DLGAP2: variants seen among roughly 807,000 people sequenced by gnomAD.
DLGAP2 encodes the protein disks large-associated protein 2.
Under a neutral mutation model 100.3 loss-of-function variants are expected in DLGAP2, and 26 were observed. The observed-to-expected ratio is 0.26, with a 90% CI of 0.19 to 0.36. The LOEUF (loss-of-function observed/expected upper bound fraction) is 0.36. DLGAP2 is among the 10% of genes least tolerant of loss of function. The pLI is 1.00. For missense variants in DLGAP2, 1,858 were observed against 1,453.2 expected (o/e 1.28, Z -4.53); for synonymous variants, 886 against 630.1 (o/e 1.41, Z -6.08).
chr8:826,676 G>A (rs575412607), intron 1 of DLGAP2, among the ~76,000 whole-genome samples: 17 of 152,096 alleles, frequency 1.1e-4, no homozygotes, highest in African/African-American at 3.9e-4. Context: ...GCCCCCTCTC[G>A]CAGCCTTCTC....
intron 1 of DLGAP2, among the ~76,000 whole-genome samples, chr8:836,060 G>A (rs1796868648): frequency 6.6e-6 from 1 of 152,226 alleles, no homozygotes; most frequent in Non-Finnish European, 1.5e-5. Context: ...ATGCCGAGAT[G>A]TAAAGGACAC....
intron 3 of DLGAP2, among the ~76,000 whole-genome samples, chr8:1,314,422 T>A (rs989234452): frequency 6.6e-6 from 1 of 152,228 alleles, no homozygotes; most frequent in Non-Finnish European, 1.5e-5. Context: ...AATATTTTTT[T>A]AAAACTCCAT....
chr8:1,552,763 C>A (rs1801812798), intron 5 of DLGAP2, among the ~76,000 whole-genome samples: 1 of 152,160 alleles, frequency 6.6e-6, no homozygotes, highest in Non-Finnish European at 1.5e-5. Context: ...AGCTGAACGA[C>A]AGGATCACTT....
chr8:1,251,170 A>T (rs1356201038), intron 2 of DLGAP2, among the ~76,000 whole-genome samples: 1 of 152,214 alleles, frequency 6.6e-6, no homozygotes, highest in Non-Finnish European at 1.5e-5. Context: ...TTTCTCCCTG[A>T]GAACTAACTT....
At chr8:1,261,580 T>TG (rs1332278520) in intron 3 of DLGAP2, among the ~76,000 whole-genome samples, 1 of 17,760 alleles carries the variant, frequency 5.6e-5, no homozygotes, top group Non-Finnish European at 1.1e-4. Flanking sequence ...GGCTGGGCAG[T>TG]GGGGGGTGGG....
chr8:1,678,726 G>T (rs1233098612), intron 12 of DLGAP2, 97 bp downstream of exon 12: 1 of 1,295,670 alleles, frequency 7.7e-7, no homozygotes, highest in Non-Finnish European at 1.0e-6. Context: ...TCCTCCCTTT[G>T]GTATTCAAGT....
intron 6 of DLGAP2, among the ~76,000 whole-genome samples, chr8:1,612,478 T>A (rs1797012124): frequency 6.9e-6 from 1 of 144,258 alleles, no homozygotes; most frequent in Non-Finnish European, 1.5e-5. Context: ...GACATAGGCA[T>A]GGGCAAGGAC....
At chr8:1,362,443 A>G (rs1802003390) in intron 3 of DLGAP2, among the ~76,000 whole-genome samples, 1 of 151,982 alleles carries the variant, frequency 6.6e-6, no homozygotes, top group African/African-American at 2.4e-5. Context: ...AGGCTCGGTA[A>G]GGGCTGGCGT....
chr8:1,122,600 T>C (rs1262165786), intron 2 of DLGAP2, among the ~76,000 whole-genome samples: 2 of 152,238 alleles, frequency 1.3e-5, no homozygotes, highest in Admixed American at 6.5e-5. Flanking sequence ...TCCTGCTTAC[T>C]ATGTGTAGGT....
intron 1 of DLGAP2, among the ~76,000 whole-genome samples, chr8:880,663 T>C (rs997630864): frequency 7.7e-5 from 11 of 143,736 alleles, no homozygotes; most frequent in African/African-American, 2.9e-4. Context: ...GGAGACTTTA[T>C]AGGTGGGTCG....
chr8:972,233 A>G lies in DLGAP2; in HGVS notation c.73+64267A>G, dbSNP rs1800031384. Among the ~76,000 whole-genome samples the G allele has an allele frequency of 2.0e-5, 3 of 152,368 alleles. 1 individual carries two copies. Among genetic ancestry groups the G allele is most frequent in the East Asian group, 3.8e-4 (2 of 5,196 alleles). On this transcript the variant is annotated intron_variant, in intron 2 of 14. Transcript: ENST00000637795. ...ATCTTAGTGCACTTTTACCTGCTTC[A>G]CTATATCCATCATGCAACGAAAAAC...
At chr8:1,344,153 T>A (rs1801496950) in intron 3 of DLGAP2, among the ~76,000 whole-genome samples, 1 of 151,432 alleles carries the variant, frequency 6.6e-6, no homozygotes, top group Non-Finnish European at 1.5e-5. Context: ...CGGGGCCCTG[T>A]CGTGGGTCTT....
rs567751021 is a variant in DLGAP2, at chr8:1,053,785, G to A, written c.73+145819G>A. 1.4e-4 allele frequency among the ~76,000 whole-genome samples: 22 copies of A among 152,230 alleles called. No homozygotes were observed. The East Asian group carries it at 1.5e-3, about 11-fold the overall frequency. ...AGCCAAAAATCATTATAATATTTAAGAACCAAAACTTTAATATTTTATTTT... is the reference window on the plus strand; with the variant it reads ...AGCCAAAAATCATTATAATATTTAAAAACCAAAACTTTAATATTTTATTTT... On this transcript the variant is annotated intron_variant, in intron 2 of 14. Transcript: ENST00000637795.
intron 2 of DLGAP2, among the ~76,000 whole-genome samples, chr8:1,141,046 TG>T (rs1796512558): frequency 6.6e-6 from 1 of 152,186 alleles, no homozygotes. Context: ...GAATGTGGTT[TG>T]GTTTCCTTGG....
At chr8:1,580,647 A>C (rs1803195601) in intron 6 of DLGAP2, among the ~76,000 whole-genome samples, 1 of 152,238 alleles carries the variant, frequency 6.6e-6, no homozygotes, top group South Asian at 2.1e-4. Flanking sequence ...TCTCAAAGAC[A>C]GATCAACACC....
Position 1,626,787 on chromosome 8 carries a change from T to A in DLGAP2, c.1490T>A (p.Leu497Gln). 1 of 1,603,612 alleles carries A rather than the reference T, an allele frequency of 6.2e-7. No individual in the cohort carries two copies. Among genetic ancestry groups the A allele is most frequent in the Non-Finnish European group, 8.5e-7 (1 of 1,175,494 alleles). ...AASDVPVGHS[L>Q]DPAANYNSPK... ...AGCGATGTGCCTGTGGGACACAGCC[T>A]GGACCCCGCTGCGAACTACAACTCC... Residue 497 changes from leucine (L) to glutamine (Q), a missense_variant, in exon 7 of 15, where the codon CTG becomes CAG. By Grantham distance (113) the Leu-to-Gln change is moderately radical (BLOSUM62 -2). Coordinates refer to ENST00000637795, the MANE Select transcript of DLGAP2 (RefSeq NM_001346810.2).
At chr8:1,654,323 T>C (rs759619244) in intron 8 of DLGAP2, among the ~76,000 whole-genome samples, 11 of 152,244 alleles carry the variant, frequency 7.2e-5, no homozygotes, top group Non-Finnish European at 1.3e-4. Flanking sequence ...GGAAAAATTA[T>C]TCCTTTCAAA....
At chr8:1,364,445 G>C (rs1231075752) in intron 3 of DLGAP2, among the ~76,000 whole-genome samples, 1 of 146,650 alleles carries the variant, frequency 6.8e-6, no homozygotes, top group African/African-American at 2.5e-5. Context: ...AGGAACCCCA[G>C]ATTCTGGTGA....
At chr8:1,346,908 A>C (rs1010489444) in intron 3 of DLGAP2, among the ~76,000 whole-genome samples, 13 of 150,154 alleles carry the variant, frequency 8.7e-5, no homozygotes, top group Non-Finnish European at 1.9e-4. Context: ...AGCTGTGTGG[A>C]GGTTGAGTTC....
Sources: gnomAD v4.1 joint callset for allele counts (sites outside exome capture counted in the v4.1 genomes callset) on GRCh38, gnomAD v4.1.1 for gene constraint, MANE v1.5 for transcripts, NCBI Gene and HGNC (gene_info 2026-07-23, HGNC 2026-07-21) for gene names.